Variants in ADAMTS9 observed in about 807,000 individuals in gnomAD.
ADAMTS9 encodes the protein ADAM metallopeptidase with thrombospondin type 1 motif 9, also known as A disintegrin and metalloproteinase with thrombospondin motifs 9.
In ADAMTS9, 107 loss-of-function variants were observed where a neutral mutation model predicts 257.1. The ratio of observed to expected loss-of-function variants is 0.42; its 90% CI spans 0.36 to 0.49. ADAMTS9 has a LOEUF of 0.49. Ranked by LOEUF, ADAMTS9 falls within the 20% of genes least tolerant of loss-of-function variation. The probability of loss-of-function intolerance (pLI) is 0.03; values close to 1 mark genes in which losing one functional copy is unlikely to be tolerated. For missense variants in ADAMTS9, 2,353 were observed against 2,469.1 expected (o/e 0.95, Z 1.00); for synonymous variants, 982 against 880.9 (o/e 1.11, Z -2.03).
rs1206714239 is a variant in ADAMTS9 at position 64,622,405 on chromosome 3, T to C, written c.2556+15A>G. 2 of 1,613,606 alleles carry C rather than the reference T, an allele frequency of 1.2e-6. No individual in the cohort carries two copies. Among genetic ancestry groups the C allele is most frequent in the Admixed American group, 1.7e-5 (1 of 59,964 alleles). On this transcript the variant is annotated intron_variant, in intron 17 of 39. Transcript: ENST00000498707. ...GCAGAAGAAAAGGGTGGTGGGCTCA[T>C]GGTCAAGTTTTTACCTGAAGCAAAA...
At chr3:64,554,198 C>A (rs2083303193) in intron 30 of ADAMTS9, among the ~76,000 whole-genome samples, 1 of 152,144 alleles carries the variant, frequency 6.6e-6, no homozygotes, top group Admixed American at 6.6e-5. Context: ...ATACTTTATG[C>A]TTGTTAAGCG....
chr3:64,662,749 G>C (rs1701254743), intron 3 of ADAMTS9, among the ~76,000 whole-genome samples: 1 of 152,016 alleles, frequency 6.6e-6, no homozygotes, highest in South Asian at 2.1e-4. Flanking sequence ...CTAAAACTGG[G>C]AAATCTACAG....
intron 37 of ADAMTS9, among the ~76,000 whole-genome samples, chr3:64,538,550 T>C (rs2083079113): frequency 6.6e-6 from 1 of 152,174 alleles, no homozygotes. Context: ...TTTCTGTTTA[T>C]ACATTAAAAG....
chr3:64,594,158 T>C lies in ADAMTS9; in HGVS notation c.4356+100A>G, dbSNP rs140511251. 929 of 1,262,198 alleles carry C rather than the reference T, an allele frequency of 7.4e-4. 19 individuals carry two copies. The East Asian group carries it at 0.018, about 25-fold the overall frequency. The allele number at this position is 1,262,198 out of a possible 1,614,324, so 78.2% of individuals were successfully genotyped here. ...ACTATTTATAGCAGAGTTTCTGGGA[T>C]GCCCTTGTAAGTGTGACAATTATCT... is the stretch of plus-strand genomic sequence containing the variant. On this transcript the variant is annotated intron_variant, in intron 28 of 39. Transcript: ENST00000498707.
At chr3:64,674,808 C>T (rs1252058014) in intron 3 of ADAMTS9, among the ~76,000 whole-genome samples, 1 of 152,204 alleles carries the variant, frequency 6.6e-6, no homozygotes, top group Non-Finnish European at 1.5e-5. Flanking sequence ...TGCTCCCCAG[C>T]TCCGTCTCTC....
rs1483109971 is a variant in ADAMTS9, at chr3:64,658,805, G to A, written c.680-14C>T. ...TATTTTTGTGTTCTGTAACAAATCA[G>A]ATGGTATGCATTACATTTCAAGCCA... On this transcript the variant is annotated splice_polypyrimidine_tract_variant and intron_variant, in intron 3 of 39. Transcript: ENST00000498707. 3.1e-6 allele frequency: 5 copies of A among 1,605,258 alleles called. No individual in the cohort carries two copies. In the African/African-American group the frequency reaches 4.0e-5, roughly 13 times the overall value.
intron 31 of ADAMTS9, 31 bp from the exon 32 acceptor site, chr3:64,546,983 C>G (rs1156432033): frequency 1.3e-6 from 2 of 1,581,960 alleles, no homozygotes; most frequent in East Asian, 4.5e-5. Flanking sequence ...AGGAGAGGTT[C>G]GAGCAGTTCC....
intron 28 of ADAMTS9, among the ~76,000 whole-genome samples, chr3:64,571,915 G>T (rs2083694555): frequency 6.6e-6 from 1 of 152,066 alleles, no homozygotes. Context: ...CCTTTCTCAG[G>T]CACTGACTTT....
chr3:64,528,689 G>T (rs899399462), intron 38 of ADAMTS9, among the ~76,000 whole-genome samples: 4 of 152,224 alleles, frequency 2.6e-5, no homozygotes, highest in Non-Finnish European at 4.4e-5. Context: ...AAACAATATG[G>T]CAAACCTCAG....
chr3:64,622,683 C>G, intron 16 of ADAMTS9, 97 bp from the exon 17 acceptor site: 1 of 1,365,644 alleles, frequency 7.3e-7, no homozygotes, highest in Non-Finnish European at 1.0e-6. Flanking sequence ...AGTCGCTGTG[C>G]ACGGAATGGG....
chr3:64,589,428 C>T (rs1285534330), intron 28 of ADAMTS9: 2 of 152,214 alleles, frequency 1.3e-5, no homozygotes, highest in Middle Eastern at 3.4e-3. Flanking sequence ...TAGTCAGTAC[C>T]CTAACGACAA....
At chr3:64,609,243 G>C (rs1312219360) in intron 22 of ADAMTS9, among the ~76,000 whole-genome samples, 1 of 152,050 alleles carries the variant, frequency 6.6e-6, no homozygotes, top group African/African-American at 2.4e-5. Context: ...CACCACTGCT[G>C]TTCATCATTG....
chr3:64,598,773 G>A (rs1489838559), intron 26 of ADAMTS9, among the ~76,000 whole-genome samples: 1 of 152,018 alleles, frequency 6.6e-6, no homozygotes, highest in Non-Finnish European at 1.5e-5. Flanking sequence ...CTTGGTCCTC[G>A]AGTTTTCTCC....
At chr3:64,653,473 T>C (rs58738334) in intron 8 of ADAMTS9, among the ~76,000 whole-genome samples, 1,970 of 152,304 alleles carry the variant, frequency 0.013, 48 homozygotes, top group African/African-American at 0.045. Context: ...TTGAGCTAAA[T>C]TGGAGACACC....
At chr3:64,517,416 G>GTTTTTTTTTTTTTTTTTTT (rs755480110) in intron 39 of ADAMTS9, among the ~76,000 whole-genome samples, 1,131 of 52,660 alleles carry the variant, frequency 0.021, 412 homozygotes, top group Non-Finnish European at 0.034. Flanking sequence ...ATTAAAAATG[G>GTTTTTTTTTTTTTTTTTTT]TTTTTTTTTT....
chr3:64,631,934 A>T lies in ADAMTS9; in HGVS notation c.2176-9T>A. ...TGATCGCATCCAGCTTGCTTTTAAA[A>T]AGAAAAGATTTGAAATAAATGTAAG... On this transcript the variant is annotated splice_polypyrimidine_tract_variant and intron_variant, in intron 14 of 39. Transcript: ENST00000498707. 1 of 1,593,070 alleles carries T rather than the reference A, an allele frequency of 6.3e-7. No homozygotes were observed.
chr3:64,569,703 C>A (rs1002044621), intron 28 of ADAMTS9, among the ~76,000 whole-genome samples: 1 of 152,148 alleles, frequency 6.6e-6, no homozygotes, highest in Non-Finnish European at 1.5e-5. Context: ...ATAAAAAGTT[C>A]AATAGTTGCT....
At position 64,559,530 on chromosome 3, in the gene ADAMTS9, T is replaced by A. The variant is rs559451751; in HGVS notation, c.4698+2048A>T. Among the ~76,000 whole-genome samples the A allele has an allele frequency of 3.9e-5, 6 of 152,328 alleles. No homozygotes were observed. In the East Asian group the frequency reaches 9.7e-4, roughly 25 times the overall value. The stretch of plus-strand genomic sequence containing the variant: ...CTGTTACTCACAGAGTCTTTTCTCT[T>A]TGTGAGAATGGCAACCCTCTAGTAA... On this transcript the variant is annotated intron_variant, in intron 30 of 39. Transcript: ENST00000498707.
chr3:64,557,412 A>T (rs1161778721), intron 30 of ADAMTS9, among the ~76,000 whole-genome samples: 1 of 152,200 alleles, frequency 6.6e-6, no homozygotes, highest in East Asian at 1.9e-4. Context: ...AATAATTCTC[A>T]AAAGAATTAA....
Sources: allele counts gnomAD v4.1 joint callset (sites outside exome capture counted in the v4.1 genomes callset), GRCh38; gene constraint gnomAD v4.1.1; transcripts MANE v1.5; gene names NCBI Gene and HGNC (gene_info 2026-07-23, HGNC 2026-07-21).